MAP2: variants seen among roughly 807,000 people sequenced by gnomAD.
MAP2 encodes microtubule associated protein 2, also known as microtubule-associated protein 2.
MAP2 carries 14 observed loss-of-function variants against 137.6 expected under a neutral mutation model. The ratio of observed to expected loss-of-function variants is 0.10; its 90% CI spans 0.07 to 0.16. The LOEUF is 0.16. Among genes scored for constraint, MAP2 ranks in the 10% least tolerant of loss-of-function variants. The probability of loss-of-function intolerance (pLI) is 1.00; values close to 1 mark genes in which losing one functional copy is unlikely to be tolerated. For missense variants in MAP2, 2,088 were observed against 2,191.5 expected, an observed-to-expected ratio of 0.95 and a Z score of 0.94; for synonymous variants, 786 against 782.3, an observed-to-expected ratio of 1.00 and a Z score of -0.08.
intron 1 of MAP2, among the ~76,000 whole-genome samples, chr2:209,474,595 G>A (rs900033179): frequency 6.6e-6 from 1 of 151,950 alleles, no homozygotes; most frequent in African/African-American, 2.4e-5. Flanking sequence ...AAGAAAGAGA[G>A]GGGAGAAGTA....
intron 13 of MAP2, among the ~76,000 whole-genome samples, chr2:209,713,764 G>T (rs913245821): frequency 2.0e-5 from 3 of 152,168 alleles, no homozygotes; most frequent in African/African-American, 7.2e-5. Context: ...ACAACTCAAG[G>T]AATAGTGCTT....
chr2:209,683,184 T>C (rs2055491931), intron 7 of MAP2, among the ~76,000 whole-genome samples: 1 of 152,194 alleles, frequency 6.6e-6, no homozygotes, highest in Non-Finnish European at 1.5e-5. Flanking sequence ...CACATTTTGG[T>C]AACTTAGGTG....
At chr2:209,494,619 T>C (rs2059531807) in intron 1 of MAP2, among the ~76,000 whole-genome samples, 1 of 152,178 alleles carries the variant, frequency 6.6e-6, no homozygotes, top group Non-Finnish European at 1.5e-5. Flanking sequence ...TGTTAGGATA[T>C]AATCGAGAAA....
chr2:209,425,022 C>A (rs1208837089), intron 1 of MAP2, among the ~76,000 whole-genome samples: 1 of 151,918 alleles, frequency 6.6e-6, no homozygotes, highest in Non-Finnish European at 1.5e-5. Context: ...TGCCTTCCCC[C>A]ACCTCGTCTT....
chr2:209,505,747 G>A (rs1353680149), intron 1 of MAP2, among the ~76,000 whole-genome samples: 1 of 149,032 alleles, frequency 6.7e-6, no homozygotes, highest in Non-Finnish European at 1.5e-5. Context: ...CAAGGTGGGT[G>A]GATTGCTTGA....
At chr2:209,530,134 T>C (rs1466978364) in intron 2 of MAP2, among the ~76,000 whole-genome samples, 1 of 152,094 alleles carries the variant, frequency 6.6e-6, no homozygotes, top group Non-Finnish European at 1.5e-5. Flanking sequence ...TTCCATTTTG[T>C]TTCCAAGATG....
At chr2:209,616,067 C>T (rs1019262564) in intron 3 of MAP2, among the ~76,000 whole-genome samples, 1 of 152,062 alleles carries the variant, frequency 6.6e-6, no homozygotes, top group Admixed American at 6.6e-5. Context: ...CAATAAAATT[C>T]TTCTCCCTCT....
At chr2:209,547,019 G>C (rs1243211333) in intron 2 of MAP2, among the ~76,000 whole-genome samples, 1 of 151,982 alleles carries the variant, frequency 6.6e-6, no homozygotes, top group Admixed American at 6.6e-5. Context: ...ATACATATTT[G>C]GAAAGAAAAT....
At chr2:209,575,485 C>T (rs1483816798) in intron 2 of MAP2, among the ~76,000 whole-genome samples, 2 of 128,116 alleles carry the variant, frequency 1.6e-5, no homozygotes, top group African/African-American at 3.2e-5. Context: ...CGCGCCACTG[C>T]ACTCCAGCCT....
chr2:209,528,105 C>G (rs951055199), intron 2 of MAP2, among the ~76,000 whole-genome samples: 5 of 149,304 alleles, frequency 3.3e-5, no homozygotes, highest in African/African-American at 2.5e-5. Context: ...TCTTCCCCCC[C>G]TGCCCACCCC....
Position 209,696,933 on chromosome 2 carries a change from T to A in MAP2, c.4404T>A (p.Ala1468=). 6.2e-7 allele frequency: 1 copy of A among 1,604,758 alleles called. No homozygotes were observed. The highest frequency in any genetic ancestry group is 8.5e-7 in the Non-Finnish European group (1 of 1,177,718). The change falls in exon 10 of 16, where the codon GCT becomes GCA. Residue 1468 remains alanine (A), a synonymous_variant. Transcript: ENST00000682079. ...TATTCATAGCAGTTTATAAGAAGGCTGAACTTGCTAAAAAAACAGAAGTTC... is the reference window on the plus strand; with the variant it reads ...TATTCATAGCAGTTTATAAGAAGGCAGAACTTGCTAAAAAAACAGAAGTTC... ...VRRKKAVYKK[A]ELAKKTEVQA... is the part of the protein sequence containing the mutation.
intron 5 of MAP2, among the ~76,000 whole-genome samples, chr2:209,664,581 A>G (rs1428972121): frequency 6.6e-6 from 1 of 152,090 alleles, no homozygotes; most frequent in African/African-American, 2.4e-5. Flanking sequence ...GAGAGTATCC[A>G]TATATAGTTC....
Position 209,725,731 on chromosome 2 carries a change from T to C in MAP2, c.5096T>C (p.Ile1699Thr). 6.2e-7 allele frequency: 1 copy of C among 1,602,620 alleles called. No individual in the cohort carries two copies. Among genetic ancestry groups the C allele is most frequent in the Non-Finnish European group, 8.5e-7 (1 of 1,175,230 alleles). ...TAGGTACAAATTGTTACCAAGAAAA[T>C]AGACCTAAGCCATGTGACATCCAAA... ...GGQVQIVTKK[I>T]DLSHVTSKCG... The change falls in exon 14 of 16, where the codon ATA (isoleucine) becomes ACA (threonine). Residue 1699 changes from isoleucine (I) to threonine (T), a missense_variant. Ile to Thr is a moderately conservative substitution (Grantham distance 89, BLOSUM62 -1). Around this residue, in one of 6 missense-constraint regions of MAP2, gnomAD observed 112 missense variants for 201.0 expected, o/e 0.56. Transcript: ENST00000682079.
At chr2:209,565,507 A>C (rs1273098873) in intron 2 of MAP2, among the ~76,000 whole-genome samples, 1 of 152,180 alleles carries the variant, frequency 6.6e-6, no homozygotes, top group Non-Finnish European at 1.5e-5. Flanking sequence ...GGCATTAGCC[A>C]CTATTCCCAG....
At chr2:209,479,684 G>A (rs1346591781) in intron 1 of MAP2, among the ~76,000 whole-genome samples, 1 of 151,960 alleles carries the variant, frequency 6.6e-6, no homozygotes, top group Non-Finnish European at 1.5e-5. Flanking sequence ...CTGACCCCTG[G>A]CTTGAGATAG....
chr2:209,609,300 T>C (rs2085979194), intron 3 of MAP2, among the ~76,000 whole-genome samples: 1 of 152,166 alleles, frequency 6.6e-6, no homozygotes, highest in South Asian at 2.1e-4. Context: ...AATTAACATA[T>C]GTCATTGGGT....
Position 209,695,988 on chromosome 2 carries a change from G to T in MAP2, c.3818G>T (p.Cys1273Phe), listed in dbSNP as rs1026761036. The change falls in exon 8 of 16, where the codon TGC becomes TTC. Residue 1273 changes from cysteine to phenylalanine, a missense_variant. Cys to Phe is a radical substitution (Grantham distance 205). Transcript: ENST00000682079. ...SGAREEFVET[C>F]PSEHKGVIES... ...GCCAGGGAGGAATTTGTGGAGACCT[G>T]CCCAAGTGAACACAAAGGAGTGATT... 1.2e-6 allele frequency: 2 copies of T among 1,614,084 alleles called. No individual in the cohort carries two copies. The highest frequency in any genetic ancestry group is 1.3e-5 in the African/African-American group (1 of 75,028).
intron 1 of MAP2, among the ~76,000 whole-genome samples, chr2:209,428,292 A>G (rs1443100813): frequency 6.6e-6 from 1 of 152,050 alleles, no homozygotes; most frequent in African/African-American, 2.4e-5. Flanking sequence ...ATCCTCTTTC[A>G]GTCTACTGTT....
At chr2:209,728,936 A>G (rs373029442) in intron 14 of MAP2, among the ~76,000 whole-genome samples, 1 of 152,354 alleles carries the variant, frequency 6.6e-6, no homozygotes, top group Non-Finnish European at 1.5e-5. Context: ...ATGAGCAAAT[A>G]AGGAGTCCAA....
Sources: allele counts gnomAD v4.1 joint callset (sites outside exome capture counted in the v4.1 genomes callset), GRCh38; gene constraint gnomAD v4.1.1; regional missense constraint gnomAD v4.1.1; transcripts MANE v1.5; gene names NCBI Gene and HGNC (gene_info 2026-07-23, HGNC 2026-07-21).